Variants in NRXN3 observed in about 807,000 individuals in gnomAD.
The protein encoded by NRXN3 is neurexin 3, also known as neurexin III.
Under a neutral mutation model 137.6 loss-of-function variants are expected in NRXN3, and 32 were observed. That is an observed-to-expected ratio of 0.23 (90% CI 0.18 to 0.31). The LOEUF is 0.31. Ranked by LOEUF, NRXN3 falls within the 10% of genes least tolerant of loss-of-function variation. NRXN3 has a pLI of 1.00. For synonymous variants in NRXN3, 798 were observed against 784.5 expected, an observed-to-expected ratio of 1.02 and a Z score of -0.29; for missense variants, 1,574 against 2,062.5, an observed-to-expected ratio of 0.76 and a Z score of 4.59.
intron 4 of NRXN3, among the ~76,000 whole-genome samples, chr14:78,514,298 A>G (rs1325171108): frequency 6.6e-6 from 1 of 152,148 alleles, no homozygotes; most frequent in African/African-American, 2.4e-5. Flanking sequence ...ACACTTTGGG[A>G]TGGAGAGGTT....
intron 4 of NRXN3, among the ~76,000 whole-genome samples, chr14:78,487,877 T>A (rs1206129413): frequency 6.6e-6 from 1 of 152,090 alleles, no homozygotes; most frequent in Non-Finnish European, 1.5e-5. Flanking sequence ...CAAAAGAGAA[T>A]ACAGGTAAAT....
intron 4 of NRXN3, among the ~76,000 whole-genome samples, chr14:78,639,299 AG>A (rs1232169490): frequency 2.0e-5 from 3 of 152,206 alleles, no homozygotes; most frequent in African/African-American, 7.2e-5. Context: ...TGAAGGACAA[AG>A]GCTGCATGCT....
intron 15 of NRXN3, among the ~76,000 whole-genome samples, chr14:79,303,300 A>T (rs2085460541): frequency 6.6e-6 from 1 of 152,088 alleles, no homozygotes; most frequent in African/African-American, 2.4e-5. Context: ...TAATAGTGTT[A>T]TCAGCAAGAA....
chr14:78,943,576 G>A (rs1466965556), intron 10 of NRXN3, among the ~76,000 whole-genome samples: 1 of 124,472 alleles, frequency 8.0e-6, no homozygotes, highest in African/African-American at 3.0e-5. Context: ...AACAGGAAAA[G>A]TCTGAAGGTT....
intron 19 of NRXN3, among the ~76,000 whole-genome samples, chr14:79,757,538 T>C (rs2099023909): frequency 6.6e-6 from 1 of 152,220 alleles, no homozygotes; most frequent in Non-Finnish European, 1.5e-5. Context: ...CTTTTTCTCC[T>C]CCTGTTTTAA....
At chr14:78,687,976 G>A (rs775710022) in intron 6 of NRXN3, among the ~76,000 whole-genome samples, 9 of 152,156 alleles carry the variant, frequency 5.9e-5, no homozygotes, top group Non-Finnish European at 1.3e-4. Flanking sequence ...TCCAAGTGCA[G>A]ATATTTGAAA....
At chr14:78,369,523 T>C (rs938221770) in intron 4 of NRXN3, among the ~76,000 whole-genome samples, 3 of 152,212 alleles carry the variant, frequency 2.0e-5, no homozygotes, top group African/African-American at 7.2e-5. Flanking sequence ...AATGAACTTA[T>C]TCTGTGTGTT....
intron 19 of NRXN3, among the ~76,000 whole-genome samples, chr14:79,767,891 G>C (rs2099061522): frequency 6.6e-6 from 1 of 152,202 alleles, no homozygotes; most frequent in Non-Finnish European, 1.5e-5. Flanking sequence ...GTGCAAGACA[G>C]TGGGCGCAGG....
At chr14:79,703,584 A>T (rs1454062711) in intron 19 of NRXN3, among the ~76,000 whole-genome samples, 2 of 152,090 alleles carry the variant, frequency 1.3e-5, no homozygotes, top group African/African-American at 4.8e-5. Context: ...AGGCCTCAGG[A>T]AACTTACAAT....
chr14:79,608,882 T>C (rs1210031695), intron 16 of NRXN3, among the ~76,000 whole-genome samples: 1 of 151,958 alleles, frequency 6.6e-6, no homozygotes, highest in Non-Finnish European at 1.5e-5. Flanking sequence ...CCATTTCCAA[T>C]TTAGGCCTTA....
chr14:79,430,153 G>T (rs564265147), intron 15 of NRXN3, among the ~76,000 whole-genome samples: 212 of 152,176 alleles, frequency 1.4e-3, no homozygotes, highest in African/African-American at 4.8e-3. Context: ...CTGTGAAATT[G>T]TCCTCGACAG....
At chr14:79,280,365 T>G (rs1455067149) in intron 15 of NRXN3, 1 of 1,614,004 alleles carries the variant, frequency 6.2e-7, no homozygotes, top group African/African-American at 1.3e-5. Context: ...TGGTTCCTGT[T>G]CTGGGGATGT....
chr14:79,398,504 GT>G (rs150078892), intron 15 of NRXN3, among the ~76,000 whole-genome samples: 2,683 of 144,234 alleles, frequency 0.019, 43 homozygotes, highest in East Asian at 0.1. Flanking sequence ...AATATTCATT[GT>G]TTTTTTTTTT....
chr14:78,858,275 A>T (rs1465325060), intron 10 of NRXN3, among the ~76,000 whole-genome samples: 1 of 152,128 alleles, frequency 6.6e-6, no homozygotes, highest in Non-Finnish European at 1.5e-5. Flanking sequence ...TGGGGAATTT[A>T]GACTTTAGTG....
intron 10 of NRXN3, among the ~76,000 whole-genome samples, chr14:78,952,293 C>T (rs2099388632): frequency 6.6e-6 from 1 of 151,902 alleles, no homozygotes; most frequent in Non-Finnish European, 1.5e-5. Flanking sequence ...CAAAACAAAA[C>T]AAACAAAACA....
intron 10 of NRXN3, among the ~76,000 whole-genome samples, chr14:78,928,504 T>C (rs2099312462): frequency 6.6e-6 from 1 of 152,130 alleles, no homozygotes; most frequent in African/African-American, 2.4e-5. Context: ...CCTGTGTCCA[T>C]GTGTTCTCAT....
At chr14:79,816,508 A>G (rs1319418369) in intron 20 of NRXN3, among the ~76,000 whole-genome samples, 1 of 152,250 alleles carries the variant, frequency 6.6e-6, no homozygotes, top group Non-Finnish European at 1.5e-5. Flanking sequence ...CCATGTCTTC[A>G]TGAGAATGTC....
intron 4 of NRXN3, among the ~76,000 whole-genome samples, chr14:78,611,177 T>C (rs2097297400): frequency 6.6e-6 from 1 of 152,154 alleles, no homozygotes; most frequent in South Asian, 2.1e-4. Context: ...TCATTTAATA[T>C]CGACTCTGGC....
chr14:78,423,696 C>T (rs1169679991), intron 4 of NRXN3, among the ~76,000 whole-genome samples: 1 of 152,230 alleles, frequency 6.6e-6, no homozygotes, highest in African/African-American at 2.4e-5. Flanking sequence ...AGACCCCTTG[C>T]ATGTTCCCTG....
Sources: gnomAD v4.1 joint callset for allele counts (sites outside exome capture counted in the v4.1 genomes callset) on GRCh38, gnomAD v4.1.1 for gene constraint, MANE v1.5 for transcripts, NCBI Gene and HGNC (gene_info 2026-07-23, HGNC 2026-07-21) for gene names.